Variants in PARP9 observed in about 807,000 individuals in gnomAD.
PARP9 encodes the protein protein mono-ADP-ribosyltransferase PARP9.
Under a neutral mutation model 68.8 loss-of-function variants are expected in PARP9, and 48 were observed. The ratio of observed to expected loss-of-function variants is 0.70; its 90% CI spans 0.55 to 0.89. The LOEUF (loss-of-function observed/expected upper bound fraction) is 0.89, where lower values mean the gene tolerates loss of function less well. Ranked by LOEUF, PARP9 falls within the 40% of genes least tolerant of loss-of-function variation. PARP9 has a pLI of 0.00. For synonymous variants in PARP9, 309 were observed against 333.8 expected (o/e 0.93, Z 0.81); for missense variants, 806 against 969.3 (o/e 0.83, Z 2.24).
In PARP9 at chr3:122,528,298, C is replaced by A; in HGVS notation, c.*66G>T. ...ATATTCAAGCCACTCTTTGAGCCAT[C>A]GATGGTCATTATTTGGTTAGTTCAC... On this transcript the variant is annotated 3_prime_UTR_variant, in exon 11 of 11. Transcript: ENST00000682323. The A allele has an allele frequency of 6.5e-7, 1 of 1,548,562 alleles. No homozygotes were observed. Among genetic ancestry groups the A allele is most frequent in the East Asian group, 2.3e-5 (1 of 44,416 alleles).
chr3:122,562,593 G>T (rs999850954), intron 1 of PARP9, among the ~76,000 whole-genome samples: 2 of 152,154 alleles, frequency 1.3e-5, no homozygotes, highest in African/African-American at 4.8e-5. Flanking sequence ...AAATGTAAAA[G>T]GTTTCCTCCT....
chr3:122,536,178 C>G lies in PARP9; in HGVS notation c.2070G>C (p.Ser690=). The part of the protein sequence containing the change: ...VCRVGFQRMY[S]TPCDPKYGAG... ...GGCATTGACACCTACCGCAAGGTGT[C>G]GAGTACATTCTTTGAAAGCCAACTC... Residue 690 remains serine (S), a synonymous_variant, in exon 10 of 11, where the codon TCG becomes TCC. Transcript: ENST00000682323. The G allele has an allele frequency of 6.2e-7, 1 of 1,614,074 alleles. No homozygotes were observed. The highest frequency in any genetic ancestry group is 8.5e-7 in the Non-Finnish European group (1 of 1,180,004).
intron 10 of PARP9, among the ~76,000 whole-genome samples, chr3:122,531,377 C>T (rs1471010610): frequency 6.6e-6 from 1 of 152,118 alleles, no homozygotes; most frequent in Non-Finnish European, 1.5e-5. Flanking sequence ...TTTGTTCTTC[C>T]ACCTATTGAG....
rs2079149753 is a variant in PARP9, at chr3:122,550,924, C to A, written c.1108-122G>T. The A allele has an allele frequency of 3.6e-6, 3 of 828,552 alleles. No homozygotes were observed. The East Asian group carries it at 8.0e-5, about 22-fold the overall frequency. The allele number at this position is 828,552 out of a possible 1,614,324, so 51.3% of individuals were successfully genotyped here. A position where few individuals can be genotyped will look rare whatever the true frequency, so the allele number is the denominator to read the frequency against. On this transcript the variant is annotated intron_variant, in intron 5 of 10. Coordinates refer to ENST00000682323, the MANE Select transcript of PARP9 (RefSeq NM_001146105.2). ...CCCTCCCTCAGGGTTCGTGTCCCTG[C>A]CTCCTCAGATGACAGGAAAGGTCCC... is the stretch of plus-strand genomic sequence containing the variant.
At chr3:122,534,419 C>T in intron 10 of PARP9, 1 of 985,496 alleles carries the variant, frequency 1.0e-6, no homozygotes, top group Non-Finnish European at 1.2e-6. Context: ...AGGGAGTCCT[C>T]TCTATACCTG....
intron 7 of PARP9, among the ~76,000 whole-genome samples, chr3:122,542,161 C>T (rs530472035): frequency 3.5e-4 from 53 of 151,648 alleles, no homozygotes; most frequent in Admixed American, 9.8e-4. Context: ...CCATTATTAT[C>T]AAGAGAAACT....
rs569052751 is a variant in PARP9, at chr3:122,529,524, G to T, written c.2081-781C>A. Among the ~76,000 whole-genome samples, 5 of 152,068 alleles carry T rather than the reference G, an allele frequency of 3.3e-5. No individual in the cohort carries two copies. In the South Asian group the frequency reaches 1.0e-3, roughly 32 times the overall value. On this transcript the variant is annotated intron_variant, in intron 10 of 10. Coordinates refer to ENST00000682323, the MANE Select transcript of PARP9 (RefSeq NM_001146105.2). The stretch of plus-strand genomic sequence containing the variant: ...CCAGCACTTTGGTAGGCCGAGGCGG[G>T]CTGATCACGAGGTCAGGAGATGGAC...
chr3:122,530,008 C>T (rs2077197491), intron 10 of PARP9, among the ~76,000 whole-genome samples: 1 of 151,484 alleles, frequency 6.6e-6, no homozygotes, highest in Admixed American at 6.6e-5. Context: ...AAAACCCTAT[C>T]CCCACAAAGA....
chr3:122,529,842 T>C (rs143960525), intron 10 of PARP9, among the ~76,000 whole-genome samples: 1 of 147,628 alleles, frequency 6.8e-6, no homozygotes, highest in East Asian at 2.0e-4. Context: ...GGTTTGAAAA[T>C]AGCATCTAAT....
intron 10 of PARP9, among the ~76,000 whole-genome samples, chr3:122,531,307 C>T (rs978549307): frequency 2.6e-5 from 4 of 152,164 alleles, no homozygotes; most frequent in African/African-American, 9.7e-5. Flanking sequence ...ATTTATGTGG[C>T]AAGGTAATAT....
At chr3:122,536,705 G>A (rs536006981) in intron 9 of PARP9, 101 of 563,122 alleles carry the variant, frequency 1.8e-4, no homozygotes, top group African/African-American at 1.7e-3. Flanking sequence ...CGGGCTTCCT[G>A]GATCTGGAAT....
chr3:122,547,009 T>TAC (rs2078767916), intron 6 of PARP9, among the ~76,000 whole-genome samples: 1 of 93,902 alleles, frequency 1.1e-5, no homozygotes, highest in Non-Finnish European at 2.1e-5. Context: ...TATATATATA[T>TAC]ATATACACAC....
Position 122,540,775 on chromosome 3 carries a change from T to G in PARP9, c.1462A>C (p.Asn488His). Reference protein sequence around the residue: ...RSPAINLMGFNVEEMYEAHAW... With the variant: ...RSPAINLMGFHVEEMYEAHAW... ...TGGGCCTCATACATCTCTTCCACGT[T>G]GAATCCCATCAGATTGATGGCAGGA... The change falls in exon 8 of 11, where the codon AAC becomes CAC. Residue 488 changes from asparagine (N) to histidine (H), a missense_variant. Asn to His is a moderately conservative substitution (Grantham distance 68). This residue lies in a region of PARP9 where 680 missense variants were observed against 858.8 expected (regional missense o/e 0.79). Transcript: ENST00000682323. 6.2e-7 allele frequency: 1 copy of G among 1,614,156 alleles called. No homozygotes were observed.
At chr3:122,529,334 T>G (rs2077138680) in intron 10 of PARP9, among the ~76,000 whole-genome samples, 1 of 151,936 alleles carries the variant, frequency 6.6e-6, no homozygotes, top group Admixed American at 6.6e-5. Context: ...ATCTGTGATT[T>G]GGGTAGTAAC....
chr3:122,535,979 C>G (rs188222396), intron 10 of PARP9, 189 bp downstream of exon 10: 1 of 1,474,748 alleles, frequency 6.8e-7, no homozygotes, highest in African/African-American at 1.4e-5. Flanking sequence ...ACAAAAGATA[C>G]GAAGGAAAAG....
intron 4 of PARP9, 148 bp downstream of exon 4, chr3:122,555,138 G>T: frequency 2.5e-6 from 2 of 803,988 alleles, no homozygotes; most frequent in Non-Finnish European, 3.8e-6. Context: ...CAAGTAGCTG[G>T]GTTACAGGCA....
Position 122,540,489 on chromosome 3 carries a change from C to A in PARP9, c.1748G>T (p.Gly583Val). 1.2e-6 allele frequency: 2 copies of A among 1,613,414 alleles called. No homozygotes were observed. The highest frequency in any genetic ancestry group is 1.1e-5 in the South Asian group (1 of 91,058). The change falls in exon 8 of 11, where the codon GGC becomes GTC. Residue 583 changes from glycine to valine, a missense_variant. Around this residue, in one of 2 missense-constraint regions of PARP9, gnomAD observed 680 missense variants for 858.8 expected, o/e 0.79. Coordinates refer to ENST00000682323, the MANE Select transcript of PARP9 (RefSeq NM_001146105.2). ...QEEMARKKER[G>V]LWRSLGQWTI... ...TTACTCACCTAACGAGCGCCAAAGGCCTCGCTCCTTTTTCCTTGCCATTTC... is the reference window on the plus strand; with the variant it reads ...TTACTCACCTAACGAGCGCCAAAGGACTCGCTCCTTTTTCCTTGCCATTTC...
intron 2 of PARP9, among the ~76,000 whole-genome samples, chr3:122,559,067 C>T (rs1037663497): frequency 2.0e-5 from 3 of 152,136 alleles, no homozygotes; most frequent in Admixed American, 2.0e-4. Flanking sequence ...GAGATCAACA[C>T]TTTAAAAGGC....
intron 4 of PARP9, 56 bp from the exon 5 acceptor site, chr3:122,552,695 T>A: frequency 1.5e-6 from 2 of 1,331,954 alleles, no homozygotes; most frequent in Non-Finnish European, 1.1e-6. Flanking sequence ...CTTAAATGAC[T>A]AATTTAAATC....
Sources: allele counts gnomAD v4.1 joint callset (sites outside exome capture counted in the v4.1 genomes callset), GRCh38; gene constraint gnomAD v4.1.1; regional missense constraint gnomAD v4.1.1; transcripts MANE v1.5; gene names NCBI Gene and HGNC (gene_info 2026-07-23, HGNC 2026-07-21).